Variants in ZP2 observed in about 807,000 individuals in gnomAD.
The protein encoded by ZP2 is zona pellucida sperm-binding protein 2.
In ZP2, 51 loss-of-function variants were observed where a neutral mutation model predicts 84.0. The ratio of observed to expected loss-of-function variants is 0.61; its 90% CI spans 0.49 to 0.77. The LOEUF (loss-of-function observed/expected upper bound fraction) is 0.77. Among genes scored for constraint, ZP2 ranks in the 30% least tolerant of loss-of-function variants. The pLI is 0.00. For missense variants in ZP2, 909 were observed against 911.9 expected, an observed-to-expected ratio of 1.00 and a Z score of 0.04; for synonymous variants, 375 against 330.9, an observed-to-expected ratio of 1.13 and a Z score of -1.45.
Position 21,205,789 on chromosome 16 carries a change from A to G in ZP2, c.484-14T>C. 2.5e-6 allele frequency: 4 copies of G among 1,613,708 alleles called. No individual in the cohort carries two copies. Among genetic ancestry groups the G allele is most frequent in the Non-Finnish European group, 3.4e-6 (4 of 1,179,748 alleles). On this transcript the variant is annotated splice_polypyrimidine_tract_variant and intron_variant, in intron 5 of 18. Coordinates refer to ENST00000574091, the MANE Select transcript of ZP2 (RefSeq NM_001376232.1). ...TGGCAAGGAAAACTGGAAGAAAAGAATTGTGATGTAAGACTTTGATTTGGA... is the reference window on the plus strand; with the variant it reads ...TGGCAAGGAAAACTGGAAGAAAAGAGTTGTGATGTAAGACTTTGATTTGGA...
Position 21,202,000 on chromosome 16 carries a change from A to T in ZP2, c.1311T>A (p.Tyr437Ter). ...RYKFEDDKVV[Y>*]ENEIHALWTD... Reference sequence around the variant, plus strand: ...TCCAGAGAGCATGTATTTCGTTTTCATAGACGACTTTATCATCTTCGAACT... The same window carrying T: ...TCCAGAGAGCATGTATTTCGTTTTCTTAGACGACTTTATCATCTTCGAACT... The change falls in exon 12 of 19, where the codon TAT (tyrosine) becomes TAA (stop). Residue 437 changes from tyrosine (Y) to a stop codon, truncating the protein, a stop_gained. Transcript: ENST00000574091. LOFTEE classifies it high-confidence loss of function. 6.2e-7 allele frequency: 1 copy of T among 1,614,136 alleles called. No individual in the cohort carries two copies. The highest frequency in any genetic ancestry group is 8.5e-7 in the Non-Finnish European group (1 of 1,179,996).
chr16:21,210,058 C>T, intron 3 of ZP2, 51 bp downstream of exon 3: 1 of 1,552,074 alleles, frequency 6.4e-7, no homozygotes. Flanking sequence ...TGACCTAAGC[C>T]AAAGGCTGTC....
Position 21,206,826 on chromosome 16 carries a change from C to T in ZP2, c.483+12G>A, listed in dbSNP as rs746408128. ...AGCCATATACCCCGAGCAGTCAGCC[C>T]GTTTCACTCACAGACATGAAATCCT... On this transcript the variant is annotated intron_variant, in intron 5 of 18. Transcript: ENST00000574091. 22 of 1,613,946 alleles carry T rather than the reference C, an allele frequency of 1.4e-5. No individual in the cohort carries two copies. The highest frequency in any genetic ancestry group is 1.6e-4 in the Middle Eastern group (1 of 6,080).
Position 21,197,484 on chromosome 16 carries a change from T to C in ZP2, c.2234A>G (p.His745Arg). 6.2e-7 allele frequency: 1 copy of C among 1,614,070 alleles called. No individual in the cohort carries two copies. Among genetic ancestry groups the C allele is most frequent in the Non-Finnish European group, 8.5e-7 (1 of 1,179,992 alleles). The change falls in exon 19 of 19, where the codon CAC becomes CGC. Residue 745 changes from histidine to arginine, a missense_variant. His to Arg is a conservative substitution (Grantham distance 29). Coordinates refer to ENST00000574091, the MANE Select transcript of ZP2 (RefSeq NM_001376232.1). The part of the protein sequence containing the change: ...YLYEKRTVSN[H>R] ...CTGCTTTATTTAGAAGCCCATTTAG[T>C]GATTTGACACAGTCCTTTTCTCGTA...
chr16:21,202,370 A>G, intron 10 of ZP2, 79 bp from the exon 11 acceptor site: 1 of 1,293,952 alleles, frequency 7.7e-7, no homozygotes, highest in Non-Finnish European at 1.0e-6. Flanking sequence ...ATATGCTACG[A>G]GGGAGAAATT....
At chr16:21,206,806 T>C (rs1233864888) in intron 5 of ZP2, 32 bp downstream of exon 5, 3 of 1,613,634 alleles carry the variant, frequency 1.9e-6, no homozygotes, top group Non-Finnish European at 2.5e-6. Context: ...GCAGTAGCCA[T>C]ATACCCCGAG....
Position 21,210,093 on chromosome 16 carries a change from A to G in ZP2, c.235+16T>C, listed in dbSNP as rs2152856629. ...CTGCTAATCAGGACTATGAGGAGAT[A>G]ACACACGTTACCTACCCACCACAGA... On this transcript the variant is annotated intron_variant, in intron 3 of 18. Transcript: ENST00000574091. 2 of 1,611,358 alleles carry G rather than the reference A, an allele frequency of 1.2e-6. No individual in the cohort carries two copies. The highest frequency in any genetic ancestry group is 2.2e-5 in the East Asian group (1 of 44,854).
intron 2 of ZP2, among the ~76,000 whole-genome samples, chr16:21,210,765 G>A (rs2093270974): frequency 6.6e-6 from 1 of 151,962 alleles, no homozygotes; most frequent in Non-Finnish European, 1.5e-5. Flanking sequence ...GGTAGAGATG[G>A]GGTTTCACCA....
chr16:21,202,441 C>T (rs74012125), intron 10 of ZP2, 150 bp from the exon 11 acceptor site: 6,501 of 643,842 alleles, frequency 0.01, 88 homozygotes, highest in African/African-American at 0.05. Flanking sequence ...CCTTGATCAG[C>T]AGCTTGAATT....
Position 21,211,008 on chromosome 16 carries a change from T to C in ZP2, c.151+299A>G, listed in dbSNP as rs111757401. On this transcript the variant is annotated intron_variant, in intron 2 of 18. Coordinates refer to ENST00000574091, the MANE Select transcript of ZP2 (RefSeq NM_001376232.1). ...TCGATGTTTTCCTTAAGCATGAGTTTGTGTTTGAAGATTGCTGCTCCTAAA... is the reference window on the plus strand; with the variant it reads ...TCGATGTTTTCCTTAAGCATGAGTTCGTGTTTGAAGATTGCTGCTCCTAAA... Among the ~76,000 whole-genome samples the C allele has an allele frequency of 3.3e-3, 502 of 152,172 alleles. 1 individual carries two copies. Among genetic ancestry groups the C allele is most frequent in the African/African-American group, 0.011 (461 of 41,502 alleles).
intron 5 of ZP2, among the ~76,000 whole-genome samples, chr16:21,206,405 GTTATTTTTAGTTGTCCAT>G (rs2093249859): frequency 6.6e-6 from 1 of 152,176 alleles, no homozygotes; most frequent in African/African-American, 2.4e-5. Context: ...TTATGTCAGT[GTTATTTTTAGTTGTCCAT>G]TGTTGACATT....
At position 21,199,770 on chromosome 16, in the gene ZP2, T is replaced by A. The variant is rs1023726995; in HGVS notation, c.1803A>T (p.Val601=). Residue 601 remains valine, a synonymous_variant, in exon 15 of 19, where the codon GTA becomes GTT. Coordinates refer to ENST00000574091, the MANE Select transcript of ZP2 (RefSeq NM_001376232.1). ...GGCTAGAGAGCACGTGGGCTTCTGATACAAAGGCAAAAGCCTTCATGTCAA... is the reference window on the plus strand; with the variant it reads ...GGCTAGAGAGCACGTGGGCTTCTGAAACAAAGGCAAAAGCCTTCATGTCAA... ...QRFDMKAFAF[V]SEAHVLSSLV... The A allele has an allele frequency of 3.7e-6, 6 of 1,614,132 alleles. No individual in the cohort carries two copies. The highest frequency in any genetic ancestry group is 5.1e-6 in the Non-Finnish European group (6 of 1,180,012).
chr16:21,208,433 G>A (rs1456181579), intron 4 of ZP2, among the ~76,000 whole-genome samples: 1 of 152,108 alleles, frequency 6.6e-6, no homozygotes, highest in Non-Finnish European at 1.5e-5. Context: ...TTACAGAGTA[G>A]GGTCTAAGAC....
Position 21,203,885 on chromosome 16 carries a change from G to A in ZP2, c.972+145C>T, listed in dbSNP as rs1304984856. On this transcript the variant is annotated intron_variant, in intron 9 of 18. Transcript: ENST00000574091. ...ACTTGATATTTCACTTATACAAGATGATCAAATGAGGCCTTTTGGAGTTTG... is the reference window on the plus strand; with the variant it reads ...ACTTGATATTTCACTTATACAAGATAATCAAATGAGGCCTTTTGGAGTTTG... 6.4e-6 allele frequency: 5 copies of A among 777,286 alleles called. No individual in the cohort carries two copies. The Admixed American group carries it at 1.1e-4, about 17-fold the overall frequency. 48.1% of individuals were successfully genotyped at this position (777,286 alleles called of 1,614,324 possible). A position where few individuals can be genotyped will look rare whatever the true frequency, so the allele number is the denominator to read the frequency against.
intron 11 of ZP2, 26 bp from the exon 12 acceptor site, chr16:21,202,049 G>A (rs1056589388): frequency 4.3e-6 from 7 of 1,613,678 alleles, no homozygotes; most frequent in Non-Finnish European, 5.9e-6. Context: ...AAGTGGGTTA[G>A]CAGCCAGTTA....
chr16:21,203,466 C>T (rs898304267), intron 9 of ZP2, among the ~76,000 whole-genome samples: 1 of 152,126 alleles, frequency 6.6e-6, no homozygotes, highest in African/African-American at 2.4e-5. Context: ...CTGGAGTACC[C>T]AGCACTGTAC....
In ZP2 at chr16:21,201,810, T is replaced by C; in HGVS notation, c.1400A>G (p.Tyr467Cys). Residue 467 changes from tyrosine to cysteine, a missense_variant, in exon 13 of 19, where the codon TAT (tyrosine) becomes TGT (cysteine). Coordinates refer to ENST00000574091, the MANE Select transcript of ZP2 (RefSeq NM_001376232.1). ...SEFRMTVKCS[Y>C]SRNDMLLNIN... ...GTTTAGTAGCATGTCATTCCTGCTA[T>C]AAGAACACTTCACTGTCATTCTGTA... The C allele has an allele frequency of 2.5e-6, 4 of 1,614,158 alleles. No homozygotes were observed. The highest frequency in any genetic ancestry group is 3.4e-6 in the Non-Finnish European group (4 of 1,180,008).
In ZP2 at chr16:21,206,746, G is replaced by A. The variant is rs2093251471; in HGVS notation, c.483+92C>T. On this transcript the variant is annotated intron_variant, in intron 5 of 18. Transcript: ENST00000574091. The stretch of plus-strand genomic sequence containing the variant: ...ATTAGCAAGTACAGGATTAAATCAT[G>A]GTCTGATTTCTAAGCCCCGCCCTGG... The A allele has an allele frequency of 7.4e-6, 11 of 1,489,962 alleles. No homozygotes were observed. The South Asian group carries it at 1.1e-4, about 15-fold the overall frequency. 92.3% of individuals were successfully genotyped at this position (1,489,962 alleles called of 1,614,324 possible).
At chr16:21,211,753 G>C (rs568707093), upstream of ZP2, 3 of 1,470,864 alleles carry the variant, frequency 2.0e-6, no homozygotes, top group East Asian at 7.5e-5. Flanking sequence ...TGCCCTGTGG[G>C]CCAGGCATGA....
Sources: gnomAD v4.1 joint callset for allele counts (sites outside exome capture counted in the v4.1 genomes callset) on GRCh38, gnomAD v4.1.1 for gene constraint, MANE v1.5 for transcripts, NCBI Gene and HGNC (gene_info 2026-07-23, HGNC 2026-07-21) for gene names.